Variants in AFF2 observed in about 807,000 individuals in gnomAD.
AFF2 encodes the protein ALF transcription elongation factor 2, also known as AF4/FMR2 family member 2.
AFF2 carries 14 observed loss-of-function variants against 76.9 expected under a neutral mutation model. The ratio of observed to expected loss-of-function variants is 0.18; its 90% CI spans 0.12 to 0.28. AFF2 has a LOEUF of 0.28. Ranked by LOEUF, AFF2 falls within the 10% of genes least tolerant of loss-of-function variation. AFF2 has a pLI of 1.00. For missense variants in AFF2, 868 were observed against 1,001.1 expected (o/e 0.87, Z 1.79); for synonymous variants, 398 against 366.7 (o/e 1.09, Z -0.98).
intron 3 of AFF2, among the ~76,000 whole-genome samples, chrX:148,794,666 T>C (rs1461892638): frequency 8.9e-6 from 1 of 112,006 alleles, no homozygotes; most frequent in Non-Finnish European, 1.9e-5. Flanking sequence ...GGTTCCTTTT[T>C]AGACTATCAG....
intron 7 of AFF2, among the ~76,000 whole-genome samples, chrX:148,846,629 CTA>C (rs2070670890): frequency 9.0e-6 from 1 of 111,163 alleles, no homozygotes; most frequent in Non-Finnish European, 1.9e-5. Flanking sequence ...TGATTCTGTG[CTA>C]TGTTACAGTC....
At chrX:148,661,725 A>G (rs241108) in intron 2 of AFF2, among the ~76,000 whole-genome samples, 183 bp from the exon 3 acceptor site, 19,270 of 111,378 alleles carry the variant, frequency 0.17, 1,259 homozygotes, top group Non-Finnish European at 0.2. Context: ...AAGCTTTTTC[A>G]ATAGTGTTCT....
chrX:148,824,056 G>T (rs2070357971), intron 4 of AFF2, among the ~76,000 whole-genome samples: 1 of 38,907 alleles, frequency 2.6e-5, no homozygotes, highest in South Asian at 1.9e-3. Context: ...ATTCATATTT[G>T]CTTCCTCTCT....
chrX:148,936,316 C>T (rs1199726634), intron 9 of AFF2, among the ~76,000 whole-genome samples: 1 of 112,061 alleles, frequency 8.9e-6, no homozygotes, highest in Admixed American at 9.5e-5. Flanking sequence ...TTGGCTGATA[C>T]CCACTTTGAT....
At chrX:148,606,119 A>G (rs1183214969) in intron 1 of AFF2, among the ~76,000 whole-genome samples, 2 of 112,496 alleles carry the variant, frequency 1.8e-5, no homozygotes, top group Non-Finnish European at 3.8e-5. Flanking sequence ...CTCCACATAT[A>G]ATCATGATAA....
intron 3 of AFF2, among the ~76,000 whole-genome samples, chrX:148,710,388 A>C (rs2054952115): frequency 8.9e-6 from 1 of 112,155 alleles, no homozygotes; most frequent in Non-Finnish European, 1.9e-5. Context: ...AGCAATACTT[A>C]TAATTTTTCT....
intron 1 of AFF2, among the ~76,000 whole-genome samples, chrX:148,581,136 T>C (rs781801263): frequency 4.6e-5 from 4 of 87,298 alleles, no homozygotes; most frequent in African/African-American, 1.1e-4. Flanking sequence ...TACGTATACG[T>C]ATACACACAT....
intron 3 of AFF2, among the ~76,000 whole-genome samples, chrX:148,766,923 C>G (rs926290063): frequency 1.8e-5 from 2 of 111,530 alleles, no homozygotes; most frequent in Admixed American, 1.9e-4. Context: ...GTTGTAGTAT[C>G]TTTCCTTAGC....
intron 9 of AFF2, among the ~76,000 whole-genome samples, chrX:148,943,095 C>T (rs373457716): frequency 4.5e-5 from 5 of 111,491 alleles, no homozygotes; most frequent in African/African-American, 1.6e-4. Flanking sequence ...CCCAGCAGGG[C>T]TGTCTGTACA....
At chrX:148,504,551 A>T in intron 1 of AFF2, among the ~76,000 whole-genome samples, 1 of 112,553 alleles carries the variant, frequency 8.9e-6, no homozygotes, top group Non-Finnish European at 1.9e-5. Context: ...ACAGGAAGAG[A>T]CTTAAACTCA....
chrX:148,541,010 G>A (rs1341096419), intron 1 of AFF2, among the ~76,000 whole-genome samples: 2 of 112,311 alleles, frequency 1.8e-5, no homozygotes, highest in East Asian at 5.6e-4. Context: ...AGATGCCTTT[G>A]AAAAGAAACA....
chrX:148,943,994 G>A (rs923405154), intron 9 of AFF2, among the ~76,000 whole-genome samples: 9 of 112,140 alleles, frequency 8.0e-5, no homozygotes, highest in African/African-American at 2.3e-4. Context: ...GAGATTGGAA[G>A]AGCAATGCCC....
intron 2 of AFF2, among the ~76,000 whole-genome samples, chrX:148,661,533 T>C (rs1557257700): frequency 8.9e-6 from 1 of 112,220 alleles, no homozygotes; most frequent in African/African-American, 3.2e-5. Context: ...ATAACTCCAA[T>C]GATTGGTAAG....
chrX:148,906,878 A>C (rs1965202558), intron 9 of AFF2, among the ~76,000 whole-genome samples: 1 of 111,526 alleles, frequency 9.0e-6, no homozygotes. Context: ...ACCCATTGCC[A>C]CTCCCGATCA....
At chrX:148,696,358 T>G (rs782295098) in intron 3 of AFF2, among the ~76,000 whole-genome samples, 2 of 109,296 alleles carry the variant, frequency 1.8e-5, no homozygotes, top group East Asian at 5.8e-4. Flanking sequence ...AAATGAGGAG[T>G]TAATGGGTGC....
chrX:148,585,422 A>G (rs1432207506), intron 1 of AFF2, among the ~76,000 whole-genome samples: 18 of 112,222 alleles, frequency 1.6e-4, no homozygotes, highest in Admixed American at 1.3e-3. Flanking sequence ...AGATCTTGTG[A>G]GACCAAAATA....
chrX:148,874,433 C>T (rs60907609), intron 7 of AFF2, among the ~76,000 whole-genome samples: 2,117 of 4,109 alleles, frequency 0.52, 55 homozygotes, highest in African/African-American at 0.56. Flanking sequence ...GTTTTAGAGA[C>T]GAAAAAAAAA....
At chrX:148,771,261 T>A (rs1320363771) in intron 3 of AFF2, among the ~76,000 whole-genome samples, 1 of 111,963 alleles carries the variant, frequency 8.9e-6, no homozygotes, top group African/African-American at 3.2e-5. Flanking sequence ...TCCTAGTGAT[T>A]CTCCAAATGT....
intron 1 of AFF2, among the ~76,000 whole-genome samples, chrX:148,571,441 G>A (rs781803860): frequency 1.7e-4 from 19 of 111,640 alleles, no homozygotes; most frequent in African/African-American, 5.9e-4. Flanking sequence ...ATCTGGGTTC[G>A]TAAGTTTGGG....
Sources: gnomAD v4.1 joint callset for allele counts (sites outside exome capture counted in the v4.1 genomes callset) on GRCh38, gnomAD v4.1.1 for gene constraint, MANE v1.5 for transcripts, NCBI Gene and HGNC (gene_info 2026-07-23, HGNC 2026-07-21) for gene names.